Variants in DAB2IP observed in about 807,000 individuals in gnomAD.
DAB2IP encodes DAB2 interacting protein.
In DAB2IP, 28 loss-of-function variants were observed where a neutral mutation model predicts 107.2. The ratio of observed to expected loss-of-function variants is 0.26; its 90% CI spans 0.19 to 0.36. DAB2IP has a LOEUF of 0.36. Ranked by LOEUF, DAB2IP falls within the 10% of genes least tolerant of loss-of-function variation. DAB2IP has a pLI of 1.00. For synonymous variants in DAB2IP, 755 were observed against 706.4 expected (o/e 1.07, Z -1.09); for missense variants, 1,400 against 1,644.7 (o/e 0.85, Z 2.57).
At chr9:121,764,728 C>T (rs1188058289) in intron 8 of DAB2IP, among the ~76,000 whole-genome samples, 2 of 152,226 alleles carry the variant, frequency 1.3e-5, no homozygotes, top group East Asian at 1.9e-4. Context: ...TGACACCACT[C>T]TCTCCCCGGC....
chr9:121,692,865 G>A (rs1413676437), intron 2 of DAB2IP, among the ~76,000 whole-genome samples: 1 of 152,234 alleles, frequency 6.6e-6, no homozygotes, highest in Non-Finnish European at 1.5e-5. Context: ...TAGAGACCGG[G>A]GAACAGGGAA....
rs777365348 is a variant in DAB2IP at position 121,760,354 on chromosome 9, C to G, written c.1085C>G (p.Ala362Gly). Residue 362 changes from alanine to glycine, a missense_variant, in exon 6 of 16, where the codon GCC (alanine) becomes GGC (glycine). Physicochemically the swap from Ala to Gly is moderately conservative, Grantham distance 60. Around this residue, in one of 3 missense-constraint regions of DAB2IP, gnomAD observed 517 missense variants for 748.6 expected, o/e 0.69. Coordinates refer to ENST00000408936, the Ensembl canonical transcript of DAB2IP. The surrounding 1 kb of genome is among the most constrained non-coding windows in gnomAD (Gnocchi z 5.9). ...AACCACTACCTGGGGCTGTGTGCAG[C>G]CCTCGAGCCCATCCTCAGTGCCAAG... The G allele has an allele frequency of 6.2e-7, 1 of 1,612,616 alleles. No individual in the cohort carries two copies. The highest frequency in any genetic ancestry group is 1.3e-5 in the African/African-American group (1 of 75,014).
intron 6 of DAB2IP, among the ~76,000 whole-genome samples, chr9:121,762,585 G>C (rs1181402964): frequency 6.6e-6 from 1 of 152,186 alleles, no homozygotes. Flanking sequence ...CCCCAAGGTC[G>C]TGCATGTCGG....
intron 1 of DAB2IP, among the ~76,000 whole-genome samples, chr9:121,610,155 A>G (rs1375672611): frequency 1.3e-5 from 2 of 152,202 alleles, no homozygotes; most frequent in African/African-American, 4.8e-5. Flanking sequence ...CTGCTGAGCC[A>G]TGATAAGCAC....
At position 121,773,510 on chromosome 9, in the gene DAB2IP, T is replaced by G; in HGVS notation, c.2967+15T>G. The G allele has an allele frequency of 6.8e-7, 1 of 1,477,424 alleles. No homozygotes were observed. Among genetic ancestry groups the G allele is most frequent in the Non-Finnish European group, 9.0e-7 (1 of 1,114,134 alleles). 91.5% of individuals were successfully genotyped at this position (1,477,424 alleles called of 1,614,324 possible). ...TGCACAAGCAGGTCAGTGCTGCTAG[T>G]CAGAGGGCAGGGCTGGGCACTTGGG... On this transcript the variant is annotated intron_variant, in intron 12 of 15. Coordinates refer to ENST00000408936, the Ensembl canonical transcript of DAB2IP.
intron 14 of DAB2IP, 27 bp from the exon 15 acceptor site, chr9:121,781,437 T>G: frequency 1.2e-6 from 2 of 1,612,602 alleles, no homozygotes; most frequent in Non-Finnish European, 1.7e-6. Context: ...CCAGGGCCAG[T>G]CTGACTGTCT....
intron 1 of DAB2IP, among the ~76,000 whole-genome samples, chr9:121,641,949 CCTT>C (rs1832323468): frequency 1.6e-5 from 1 of 64,058 alleles, no homozygotes; most frequent in Non-Finnish European, 2.5e-5. Flanking sequence ...CTCTTTCTTT[CCTT>C]TCTTTCTTTC....
chr9:121,744,471 C>T (rs557220237), intron 3 of DAB2IP, among the ~76,000 whole-genome samples: 9 of 152,320 alleles, frequency 5.9e-5, no homozygotes, highest in South Asian at 2.1e-4. Flanking sequence ...TGGTCCTAAC[C>T]GCCTTCATTG....
intron 1 of DAB2IP, among the ~76,000 whole-genome samples, chr9:121,609,472 C>A (rs1831011735): frequency 6.6e-6 from 1 of 152,222 alleles, no homozygotes; most frequent in African/African-American, 2.4e-5. Flanking sequence ...GCTTTGGGAC[C>A]CCCATTCGGC....
intron 2 of DAB2IP, among the ~76,000 whole-genome samples, chr9:121,689,698 T>A (rs914253219): frequency 6.6e-6 from 1 of 152,210 alleles, no homozygotes; most frequent in Non-Finnish European, 1.5e-5. Context: ...AGAAGCTCCC[T>A]GTGGCCCAGC....
chr9:121,782,537 G>C lies in DAB2IP; in HGVS notation c.*39G>C. ...GGAGGAAGCTACCCAAGGAGAGGGGGACTATGGTGGCCAAGGGCAGGGTCT... is the reference window on the plus strand; with the variant it reads ...GGAGGAAGCTACCCAAGGAGAGGGGCACTATGGTGGCCAAGGGCAGGGTCT... On this transcript the variant is annotated 3_prime_UTR_variant, in exon 16 of 16. Transcript: ENST00000408936. This position sits in a 1 kb window ranked among gnomAD's most constrained non-coding sequence, Gnocchi z 6.1. 6.2e-7 allele frequency: 1 copy of C among 1,602,834 alleles called. No individual in the cohort carries two copies.
chr9:121,778,926 G>A (rs1835402175), intron 14 of DAB2IP, among the ~76,000 whole-genome samples: 1 of 151,888 alleles, frequency 6.6e-6, no homozygotes, highest in Admixed American at 6.6e-5. Context: ...ATGTTCATTG[G>A]TGTGGTTTTC....
At chr9:121,659,686 T>C (rs4837886) in intron 1 of DAB2IP, among the ~76,000 whole-genome samples, 48,083 of 151,728 alleles carry the variant, frequency 0.32, 7,881 homozygotes, top group South Asian at 0.38. Flanking sequence ...CCCAGCTACT[T>C]GGGAGGCTGA....
chr9:121,726,576 C>A (rs1831247252), intron 3 of DAB2IP, among the ~76,000 whole-genome samples: 1 of 152,172 alleles, frequency 6.6e-6, no homozygotes. Context: ...ACTGAGCCCT[C>A]AACCTGTGGA....
chr9:121,739,223 A>T (rs1832142744), intron 3 of DAB2IP, among the ~76,000 whole-genome samples: 1 of 152,226 alleles, frequency 6.6e-6, no homozygotes, highest in Non-Finnish European at 1.5e-5. Context: ...TTGCTGTTAG[A>T]GTGTGCTGGA....
intron 1 of DAB2IP, among the ~76,000 whole-genome samples, chr9:121,642,540 G>A (rs1832395940): frequency 7.1e-6 from 1 of 140,336 alleles, no homozygotes; most frequent in African/African-American, 2.8e-5. Context: ...GCCAGGGCTG[G>A]TCTCAAACTC....
rs1258994642 is a variant in DAB2IP, at chr9:121,782,246, C to T, written c.3403-85C>T. 1.4e-5 allele frequency: 21 copies of T among 1,533,630 alleles called. No individual in the cohort carries two copies. In the Middle Eastern group the frequency reaches 6.0e-4, roughly 44 times the overall value. ...GCCTGCCACCCTCATCTCCAGGCCACCCCCTTCCCCGATGCTTGTCGTAGG... is the reference window on the plus strand; with the variant it reads ...GCCTGCCACCCTCATCTCCAGGCCATCCCCTTCCCCGATGCTTGTCGTAGG... On this transcript the variant is annotated intron_variant, in intron 15 of 15. Coordinates refer to ENST00000408936, the Ensembl canonical transcript of DAB2IP. The surrounding 1 kb of genome is among the most constrained non-coding windows in gnomAD (Gnocchi z 6.1).
At position 121,772,994 on chromosome 9, in the gene DAB2IP, G is replaced by C. The variant is rs1428237346; in HGVS notation, c.2466G>C (p.Leu822=). 1 of 1,609,498 alleles carries C rather than the reference G, an allele frequency of 6.2e-7. No homozygotes were observed. The highest frequency in any genetic ancestry group is 1.7e-5 in the Admixed American group (1 of 59,910). ...AGGGCGCGCCAGGCCGGCCCCAGCT[G>C]TTGGCACCGCTCTCCTTCCAGAACC... is the stretch of plus-strand genomic sequence containing the variant. The change falls in exon 12 of 16, where the codon CTG becomes CTC. Residue 822 remains leucine (L), a synonymous_variant. Transcript: ENST00000408936. This position sits in a 1 kb window ranked among gnomAD's most constrained non-coding sequence, Gnocchi z 4.7.
In DAB2IP at chr9:121,635,138, C is replaced by A. The variant is rs762934955; in HGVS notation, c.41-43540C>A. ...GAGGGGGCTGGAGAGGCCAGGCCTC[C>A]GTGTGGCCGGTCAATGCCTCAGGAG... On this transcript the variant is annotated intron_variant, in intron 1 of 16. Coordinates refer to the DAB2IP transcript ENST00000259371. The surrounding 1 kb of genome is among the most constrained non-coding windows in gnomAD (Gnocchi z 4.3). Among the ~76,000 whole-genome samples, 5 of 152,162 alleles carry A rather than the reference C, an allele frequency of 3.3e-5. No individual in the cohort carries two copies. Among genetic ancestry groups the A allele is most frequent in the Non-Finnish European group, 7.4e-5 (5 of 68,022 alleles).
Sources: allele counts gnomAD v4.1 joint callset (sites outside exome capture counted in the v4.1 genomes callset), GRCh38; gene constraint gnomAD v4.1.1; regional missense constraint gnomAD v4.1.1; non-coding constraint Gnocchi (gnomAD v3.1); transcripts MANE v1.5; gene names NCBI Gene and HGNC (gene_info 2026-07-23, HGNC 2026-07-21).